Variants in HMOX2 observed in about 807,000 individuals in gnomAD.
HMOX2 encodes heme oxygenase 2.
HMOX2 carries 30 observed loss-of-function variants against 33.7 expected under a neutral mutation model. The ratio of observed to expected loss-of-function variants is 0.89; its 90% CI spans 0.67 to 1.21. The LOEUF (loss-of-function observed/expected upper bound fraction) is 1.21, where lower values mean the gene tolerates loss of function less well. Ranked by LOEUF, HMOX2 falls within the 50% of genes most tolerant of loss-of-function variation. The pLI is 0.00. For missense variants in HMOX2, 403 were observed against 399.1 expected (o/e 1.01, Z -0.08); for synonymous variants, 155 against 155.0 (o/e 1.00, Z 0.00).
chr16:4,487,944 T>C (rs148366555), intron 1 of HMOX2, among the ~76,000 whole-genome samples: 1,308 of 125,740 alleles, frequency 0.01, 21 homozygotes, highest in African/African-American at 0.041. Context: ...AGAGCGAAAC[T>C]CTGTCTCAAA....
At chr16:4,505,067 GT>G (rs1159499694) in intron 1 of HMOX2, among the ~76,000 whole-genome samples, 2 of 152,144 alleles carry the variant, frequency 1.3e-5, no homozygotes, top group Non-Finnish European at 2.9e-5. Flanking sequence ...ATTTTGCCTT[GT>G]TTGCTTTTCT....
intron 1 of HMOX2, among the ~76,000 whole-genome samples, chr16:4,483,975 T>A (rs2058098762): frequency 6.9e-6 from 1 of 145,510 alleles, no homozygotes. Flanking sequence ...GCCCAAAAAT[T>A]TTTTTTTTTT....
At position 4,500,377 on chromosome 16, in the gene HMOX2, G is replaced by A. The variant is rs138186537; in HGVS notation, c.-41-5107G>A. On this transcript the variant is annotated intron_variant, in intron 1 of 5. Coordinates refer to ENST00000570646, the MANE Select transcript of HMOX2 (RefSeq NM_002134.4). Reference sequence around the variant, plus strand: ...CCACTTAGCCTCCCTGTGTTTGTGGGGTAACAACCCGAGTTCATGTTGTGG... The same window carrying A: ...CCACTTAGCCTCCCTGTGTTTGTGGAGTAACAACCCGAGTTCATGTTGTGG... Among the ~76,000 whole-genome samples, 389 of 152,208 alleles carry A rather than the reference G, an allele frequency of 2.6e-3. 4 individuals carry two copies. Among genetic ancestry groups the A allele is most frequent in the African/African-American group, 8.9e-3 (368 of 41,514 alleles).
At chr16:4,487,219 G>T (rs191808669) in intron 1 of HMOX2, among the ~76,000 whole-genome samples, 24 of 151,910 alleles carry the variant, frequency 1.6e-4, no homozygotes, top group African/African-American at 5.6e-4. Flanking sequence ...GATTGACCCA[G>T]TGCACTTCAG....
At chr16:4,509,589 C>G in intron 5 of HMOX2, 40 bp from the exon 6 acceptor site, 3 of 1,613,876 alleles carry the variant, frequency 1.9e-6, no homozygotes, top group Non-Finnish European at 2.5e-6. Context: ...TAGCAGGAGA[C>G]TCCACTGATG....
intron 1 of HMOX2, among the ~76,000 whole-genome samples, chr16:4,491,944 A>G (rs888944771): frequency 1.3e-5 from 2 of 152,084 alleles, no homozygotes; most frequent in Non-Finnish European, 2.9e-5. Flanking sequence ...GGCCTCCCAA[A>G]GTACTGAGAT....
chr16:4,493,504 T>TC (rs1387329838), intron 1 of HMOX2, among the ~76,000 whole-genome samples: 2 of 152,198 alleles, frequency 1.3e-5, no homozygotes, highest in South Asian at 2.1e-4. Context: ...AGAAAGAAAC[T>TC]CCAAGAAATT....
rs1048628723 is a variant in HMOX2 at position 4,509,834 on chromosome 16, A to G, written c.*78A>G. 2.7e-6 allele frequency: 4 copies of G among 1,483,388 alleles called. No individual in the cohort carries two copies. The highest frequency in any genetic ancestry group is 2.8e-5 in the African/African-American group (2 of 71,334). The allele number at this position is 1,483,388 out of a possible 1,614,324, so 91.9% of individuals were successfully genotyped here. A position where few individuals can be genotyped will look rare whatever the true frequency, so the allele number is the denominator to read the frequency against. On this transcript the variant is annotated 3_prime_UTR_variant, in exon 6 of 6. Coordinates refer to ENST00000570646, the MANE Select transcript of HMOX2 (RefSeq NM_002134.4). ...CCCTTTCTCCAGCCCTGACTAAACT[A>G]CCACCTCAGGTGACTTTTTAAAAAA...
chr16:4,475,416 TC>T (rs1455646296), upstream of HMOX2, among the ~76,000 whole-genome samples: 1 of 151,896 alleles, frequency 6.6e-6, no homozygotes, highest in Non-Finnish European at 1.5e-5. Flanking sequence ...CAAGTGATTC[TC>T]CTGCCTCAGT....
intron 2 of HMOX2, among the ~76,000 whole-genome samples, chr16:4,505,830 C>T (rs930018819): frequency 6.6e-6 from 1 of 152,240 alleles, no homozygotes; most frequent in Non-Finnish European, 1.5e-5. Flanking sequence ...AGGGCAGGTG[C>T]TCCTGGGAGT....
intron 1 of HMOX2, among the ~76,000 whole-genome samples, chr16:4,493,470 G>C (rs1363153096): frequency 6.6e-6 from 1 of 152,176 alleles, no homozygotes; most frequent in Admixed American, 6.5e-5. Context: ...TTGTGGAATT[G>C]TTATCACTGT....
chr16:4,507,762 T>A lies in HMOX2; in HGVS notation c.254T>A (p.Met85Lys). ...YFTYSALEEE[M>K]ERNKDHPAFA... is the part of the protein sequence containing the mutation. ...ACATACTCAGCCCTCGAGGAGGAAA[T>A]GGAGCGCAACAAGGACCATCCAGCC... is the stretch of plus-strand genomic sequence containing the variant. Residue 85 changes from methionine (M) to lysine (K), a missense_variant, in exon 4 of 6, where the codon ATG becomes AAG. Transcript: ENST00000570646. 1 of 1,614,084 alleles carries A rather than the reference T, an allele frequency of 6.2e-7. No individual in the cohort carries two copies. Among genetic ancestry groups the A allele is most frequent in the South Asian group, 1.1e-5 (1 of 91,086 alleles).
At chr16:4,477,698 C>G (rs1435121307) in intron 1 of HMOX2, among the ~76,000 whole-genome samples, 1 of 151,036 alleles carries the variant, frequency 6.6e-6, no homozygotes, top group Non-Finnish European at 1.5e-5. Flanking sequence ...GCAGGCGGAT[C>G]ACCTGAGGTC....
intron 1 of HMOX2, among the ~76,000 whole-genome samples, chr16:4,478,696 C>A (rs1439243714): frequency 6.7e-6 from 1 of 149,526 alleles, no homozygotes; most frequent in African/African-American, 2.5e-5. Context: ...ACCTGGGAGG[C>A]AGAGGTTGCG....
intron 1 of HMOX2, among the ~76,000 whole-genome samples, chr16:4,484,136 G>T (rs747809090): frequency 6.6e-6 from 1 of 150,892 alleles, no homozygotes; most frequent in African/African-American, 2.4e-5. Flanking sequence ...CACCATGCCC[G>T]GCTAATTTTT....
intron 1 of HMOX2, among the ~76,000 whole-genome samples, chr16:4,487,589 G>A (rs946167362): frequency 7.2e-5 from 11 of 152,048 alleles, no homozygotes; most frequent in Non-Finnish European, 1.6e-4. Context: ...GGATCACAAG[G>A]TCAGGAGATC....
At position 4,505,552 on chromosome 16, in the gene HMOX2, G is replaced by A. The variant is rs200633966; in HGVS notation, c.28G>A (p.Gly10Arg). 3.7e-5 allele frequency: 60 copies of A among 1,607,278 alleles called. No homozygotes were observed. Among genetic ancestry groups the A allele is most frequent in the Non-Finnish European group, 5.0e-5 (59 of 1,176,580 alleles). MSAEVETSE[G>R]VDESEKKNSG... ...GTCAGCGGAAGTGGAAACCTCAGAG[G>A]GGGTAGACGAGTCAGAAAAAAAGAA... Residue 10 changes from glycine (G) to arginine (R), a missense_variant, in exon 2 of 6, where the codon GGG becomes AGG. Gly to Arg is a moderately radical substitution (Grantham distance 125). Transcript: ENST00000570646.
chr16:4,505,507 G>A lies in HMOX2; in HGVS notation c.-18G>A. 1 of 1,595,464 alleles carries A rather than the reference G, an allele frequency of 6.3e-7. No individual in the cohort carries two copies. The highest frequency in any genetic ancestry group is 1.1e-5 in the South Asian group (1 of 89,064). ...AGGACCAGAGGAGCGAGAGCAGCAA[G>A]AACCACACCCAGCAGCAATGTCAGC... is the stretch of plus-strand genomic sequence containing the variant. On this transcript the variant is annotated 5_prime_UTR_variant, in exon 2 of 6. Transcript: ENST00000570646.
intron 1 of HMOX2, among the ~76,000 whole-genome samples, chr16:4,497,303 A>G (rs868847089): frequency 2.6e-5 from 4 of 152,198 alleles, no homozygotes; most frequent in African/African-American, 9.7e-5. Flanking sequence ...GGATGACCCA[A>G]GGTTTCATTA....
Sources: allele counts gnomAD v4.1 joint callset (sites outside exome capture counted in the v4.1 genomes callset), GRCh38; gene constraint gnomAD v4.1.1; transcripts MANE v1.5; gene names NCBI Gene and HGNC (gene_info 2026-07-23, HGNC 2026-07-21).